The following PAK5 variants were observed in gnomAD, a reference collection of about 807,000 sequenced individuals.
PAK5 encodes p21 (RAC1) activated kinase 5, also known as serine/threonine-protein kinase PAK 5.
PAK5 carries 16 observed loss-of-function variants against 65.9 expected under a neutral mutation model. The ratio of observed to expected loss-of-function variants is 0.24; its 90% CI spans 0.16 to 0.37. The LOEUF is 0.37. Among genes scored for constraint, PAK5 ranks in the 10% least tolerant of loss-of-function variants. The pLI is 1.00. For missense variants in PAK5, 785 were observed against 903.9 expected, an observed-to-expected ratio of 0.87 and a Z score of 1.69; for synonymous variants, 371 against 354.9, an observed-to-expected ratio of 1.05 and a Z score of -0.51.
intron 1 of PAK5, among the ~76,000 whole-genome samples, chr20:9,728,763 GTTT>G (rs71184155): frequency 0.056 from 8,289 of 147,252 alleles, 304 homozygotes; most frequent in South Asian, 0.11. Flanking sequence ...TCCTAGATCT[GTTT>G]TTTTTTTTTG....
chr20:9,590,059 C>T (rs892813436), intron 3 of PAK5, among the ~76,000 whole-genome samples: 1 of 151,904 alleles, frequency 6.6e-6, no homozygotes, highest in African/African-American at 2.4e-5. Context: ...GCAATCATAG[C>T]TCACTATAGC....
chr20:9,572,743 C>T (rs973408021), intron 4 of PAK5, among the ~76,000 whole-genome samples: 4 of 152,208 alleles, frequency 2.6e-5, no homozygotes, highest in Admixed American at 1.3e-4. Flanking sequence ...ACAGCAAGGG[C>T]ACGGAGTGCA....
At chr20:9,677,936 T>G (rs2047596914) in intron 2 of PAK5, among the ~76,000 whole-genome samples, 1 of 152,228 alleles carries the variant, frequency 6.6e-6, no homozygotes, top group Non-Finnish European at 1.5e-5. Context: ...TGCTATCATA[T>G]TACAATTTTT....
chr20:9,569,835 C>T (rs369759339), intron 4 of PAK5, among the ~76,000 whole-genome samples: 6 of 151,876 alleles, frequency 4.0e-5, no homozygotes, highest in African/African-American at 1.5e-4. Context: ...TTCAGCAATG[C>T]AGCCCTTCCA....
rs150878408 is a variant in PAK5 at position 9,558,239 on chromosome 20, G to A, written c.1617-505C>T. On this transcript the variant is annotated intron_variant, in intron 6 of 9. Transcript: ENST00000353224. ...GATTCTCTCTGCCTCAGCCTCCCAC[G>A]TAGCTGGGACTACAGGCGCCCATCA... 8.2e-3 allele frequency among the ~76,000 whole-genome samples: 1,248 copies of A among 151,610 alleles called. 14 individuals are homozygous for A. Among genetic ancestry groups the A allele is most frequent in the African/African-American group, 0.028 (1,135 of 41,270 alleles).
intron 2 of PAK5, among the ~76,000 whole-genome samples, chr20:9,644,926 C>T (rs1017804375): frequency 4.6e-5 from 7 of 152,082 alleles, no homozygotes; most frequent in African/African-American, 1.7e-4. Context: ...GACCAGTACA[C>T]AGGGAGAAAC....
At chr20:9,679,679 C>A (rs1362034126) in intron 2 of PAK5, among the ~76,000 whole-genome samples, 1 of 152,050 alleles carries the variant, frequency 6.6e-6, no homozygotes, top group African/African-American at 2.4e-5. Flanking sequence ...TGTGGCAGAC[C>A]CATTTAGTTT....
intron 1 of PAK5, among the ~76,000 whole-genome samples, chr20:9,729,288 C>T (rs143966079): frequency 0.028 from 4,221 of 151,986 alleles, 68 homozygotes; most frequent in Non-Finnish European, 0.044. Context: ...GAGATGCTAA[C>T]ATTTAAAATA....
intron 2 of PAK5, among the ~76,000 whole-genome samples, chr20:9,687,548 C>G (rs980358839): frequency 2.0e-5 from 3 of 152,142 alleles, no homozygotes; most frequent in Non-Finnish European, 2.9e-5. Context: ...ACAGGGGCGT[C>G]TTTGGGTATT....
intron 2 of PAK5, among the ~76,000 whole-genome samples, chr20:9,649,590 A>AAG (rs1569020069): frequency 4.3e-4 from 66 of 152,298 alleles, no homozygotes; most frequent in African/African-American, 1.5e-3. Flanking sequence ...TGCCTTAAGC[A>AAG]TATGCCTAGT....
rs1313231577 is a variant in PAK5 at position 9,585,489 on chromosome 20, A to G, written c.205-4559T>C. Among the ~76,000 whole-genome samples, 6 of 152,338 alleles carry G rather than the reference A, an allele frequency of 3.9e-5. No individual in the cohort carries two copies. In the East Asian group the frequency reaches 1.2e-3, roughly 29 times the overall value. The stretch of plus-strand genomic sequence containing the variant: ...GGTGTGTGACATCACAACCCAGCAA[A>G]TTGGCCATTGGTCATTGTGGTGCAT... On this transcript the variant is annotated intron_variant, in intron 3 of 9. Transcript: ENST00000353224.
At chr20:9,627,549 T>C (rs1436108784) in intron 3 of PAK5, among the ~76,000 whole-genome samples, 1 of 152,220 alleles carries the variant, frequency 6.6e-6, no homozygotes, top group Non-Finnish European at 1.5e-5. Context: ...AGCCTGCCCT[T>C]AGAAACCTCA....
chr20:9,675,247 A>G (rs2047553962), intron 2 of PAK5, among the ~76,000 whole-genome samples: 2 of 152,210 alleles, frequency 1.3e-5, no homozygotes, highest in South Asian at 4.1e-4. Context: ...GACAAAAAAT[A>G]AAAGAGGAGA....
At chr20:9,635,816 A>G (rs1382863414) in intron 3 of PAK5, among the ~76,000 whole-genome samples, 1 of 152,202 alleles carries the variant, frequency 6.6e-6, no homozygotes, top group East Asian at 1.9e-4. Flanking sequence ...ATTTAAGAGG[A>G]TAGGAAAGTA....
At chr20:9,553,736 G>A (rs186404925) in intron 7 of PAK5, among the ~76,000 whole-genome samples, 42 of 152,192 alleles carry the variant, frequency 2.8e-4, no homozygotes, top group African/African-American at 8.9e-4. Context: ...AATACTATTT[G>A]TTTAATCATT....
chr20:9,597,568 G>C (rs779507198), intron 3 of PAK5, among the ~76,000 whole-genome samples: 22 of 152,186 alleles, frequency 1.4e-4, no homozygotes, highest in Non-Finnish European at 2.4e-4. Flanking sequence ...CTCCTCTTCT[G>C]TCTGTATGCA....
chr20:9,696,466 A>T (rs1335586209), intron 2 of PAK5, among the ~76,000 whole-genome samples: 3 of 152,114 alleles, frequency 2.0e-5, no homozygotes, highest in African/African-American at 7.2e-5. Context: ...TGTCTGAAGC[A>T]GAAGCATTTT....
chr20:9,705,460 C>G (rs1237638767), intron 2 of PAK5, among the ~76,000 whole-genome samples: 1 of 152,086 alleles, frequency 6.6e-6, no homozygotes, highest in Non-Finnish European at 1.5e-5. Flanking sequence ...AGTCATATAC[C>G]ACTTGTTGGG....
At chr20:9,641,767 A>G (rs986917834) in intron 3 of PAK5, among the ~76,000 whole-genome samples, 8 of 152,108 alleles carry the variant, frequency 5.3e-5, no homozygotes, top group Non-Finnish European at 1.2e-4. Context: ...CGAGAAATCG[A>G]GCACAGCGCC....
Sources: allele counts gnomAD v4.1 joint callset (sites outside exome capture counted in the v4.1 genomes callset), GRCh38; gene constraint gnomAD v4.1.1; transcripts MANE v1.5; gene names NCBI Gene and HGNC (gene_info 2026-07-23, HGNC 2026-07-21).